The following CYB5D2 variants were observed in gnomAD, a reference collection of about 807,000 sequenced individuals.
CYB5D2 encodes neuferricin.
CYB5D2 carries 23 observed loss-of-function variants against 22.8 expected under a neutral mutation model. The ratio of observed to expected loss-of-function variants is 1.01; its 90% CI spans 0.73 to 1.43. The LOEUF (loss-of-function observed/expected upper bound fraction) is 1.43, where lower values mean the gene tolerates loss of function less well. Among genes scored for constraint, CYB5D2 ranks in the 40% most tolerant of loss-of-function variants. CYB5D2 has a pLI of 0.00. For missense variants in CYB5D2, 373 were observed against 357.2 expected (o/e 1.04, Z -0.36); for synonymous variants, 170 against 152.2 (o/e 1.12, Z -0.86).
chr17:4,154,923 C>T, intron 3 of CYB5D2, 63 bp downstream of exon 3: 1 of 1,496,322 alleles, frequency 6.7e-7, no homozygotes, highest in Non-Finnish European at 9.0e-7. Flanking sequence ...GGCCATCCTG[C>T]CTGCAGTATT....
In CYB5D2 at chr17:4,143,600, A is replaced by G; in HGVS notation, c.-156A>G. The G allele has an allele frequency of 9.3e-7, 1 of 1,076,658 alleles. No homozygotes were observed. Among genetic ancestry groups the G allele is most frequent in the Admixed American group, 2.5e-5 (1 of 39,344 alleles). 66.7% of individuals were successfully genotyped at this position (1,076,658 alleles called of 1,614,324 possible). A position where few individuals can be genotyped will look rare whatever the true frequency, so the allele number is the denominator to read the frequency against. ...TTTCGCCAGTGCCAGGAATACAGAT[A>G]AAACGAGAGAGACTAAGGGAGGGAG... On this transcript the variant is annotated 5_prime_UTR_variant, in exon 1 of 4. The change creates a new upstream start codon in the 5' untranslated region. Transcript: ENST00000301391.
intron 1 of CYB5D2, among the ~76,000 whole-genome samples, chr17:4,146,318 A>G (rs2031577524): frequency 6.6e-6 from 1 of 151,940 alleles, no homozygotes; most frequent in African/African-American, 2.4e-5. Context: ...TGGACAGGAA[A>G]TCCTGGCCTC....
chr17:4,152,709 G>A (rs12935850), intron 2 of CYB5D2, among the ~76,000 whole-genome samples: 100,345 of 152,214 alleles, frequency 0.66, 36,256 homozygotes, highest in East Asian at 0.92. Flanking sequence ...CCTGTGACTC[G>A]GGCCCTGATT....
At chr17:4,152,062 T>TA (rs1407209482) in intron 2 of CYB5D2, among the ~76,000 whole-genome samples, 5 of 150,580 alleles carry the variant, frequency 3.3e-5, no homozygotes, top group Non-Finnish European at 7.4e-5. Context: ...CCAGGCCAAA[T>TA]ACTTCATACT....
At chr17:4,151,330 A>G (rs527639639) in intron 2 of CYB5D2, among the ~76,000 whole-genome samples, 14 of 152,136 alleles carry the variant, frequency 9.2e-5, no homozygotes, top group Non-Finnish European at 1.5e-4. Flanking sequence ...CCCTTTCCCA[A>G]TGAAGTTGCC....
At chr17:4,147,164 G>A in intron 1 of CYB5D2, among the ~76,000 whole-genome samples, 1 of 152,168 alleles carries the variant, frequency 6.6e-6, no homozygotes, top group Non-Finnish European at 1.5e-5. Context: ...TCAGCTACTT[G>A]GGAGTTGGAG....
chr17:4,153,378 T>C (rs1180287861), intron 2 of CYB5D2, among the ~76,000 whole-genome samples: 1 of 151,254 alleles, frequency 6.6e-6, no homozygotes, highest in Non-Finnish European at 1.5e-5. Flanking sequence ...AGGAAGCCAG[T>C]GTGCTGGAGC....
intron 2 of CYB5D2, chr17:4,150,981 G>C (rs1239257441): frequency 6.6e-6 from 1 of 152,260 alleles, no homozygotes; most frequent in Non-Finnish European, 1.5e-5. Context: ...GGACATGACT[G>C]ACTTCCTGAG....
intron 2 of CYB5D2, among the ~76,000 whole-genome samples, chr17:4,154,352 G>A (rs980827416): frequency 3.3e-5 from 5 of 152,168 alleles, no homozygotes; most frequent in Admixed American, 1.3e-4. Flanking sequence ...AATACCCAGC[G>A]TGTGCTCCAA....
intron 1 of CYB5D2, among the ~76,000 whole-genome samples, chr17:4,148,951 C>CT (rs10541299): frequency 3.6e-4 from 53 of 146,296 alleles, no homozygotes; most frequent in African/African-American, 7.1e-4. Context: ...TCAATGTGGA[C>CT]TTTTTTTTTT....
intron 2 of CYB5D2, among the ~76,000 whole-genome samples, chr17:4,153,832 G>A (rs1183271720): frequency 6.6e-6 from 1 of 152,260 alleles, no homozygotes; most frequent in Non-Finnish European, 1.5e-5. Flanking sequence ...GAGGCAACAC[G>A]GATTTGGGAA....
intron 1 of CYB5D2, among the ~76,000 whole-genome samples, chr17:4,148,516 CAAAA>C (rs34632039): frequency 4.9e-5 from 5 of 102,646 alleles, no homozygotes; most frequent in Non-Finnish European, 2.1e-5. Flanking sequence ...GACTCAGTCT[CAAAA>C]AAAAAAAAAA....
intron 2 of CYB5D2, 133 bp downstream of exon 2, chr17:4,150,164 T>C (rs1415630928): frequency 8.3e-7 from 1 of 1,207,412 alleles, no homozygotes; most frequent in African/African-American, 1.5e-5. Context: ...TAAATTCTGG[T>C]CGTTAGAATA....
rs567534657 is a variant in CYB5D2 at position 4,156,450 on chromosome 17, G to A, written c.579-416G>A. 2.0e-5 allele frequency among the ~76,000 whole-genome samples: 3 copies of A among 152,394 alleles called. No individual in the cohort carries two copies. The East Asian group carries it at 5.8e-4, about 29-fold the overall frequency. On this transcript the variant is annotated intron_variant, in intron 3 of 3. Transcript: ENST00000301391. Reference sequence around the variant, plus strand: ...CAAGTGCCCCAGAGAAGAAGGTGAAGACCCTGACCTGCGCTGGGTTGTAGT... The same window carrying A: ...CAAGTGCCCCAGAGAAGAAGGTGAAAACCCTGACCTGCGCTGGGTTGTAGT...
rs536561044 is a variant in CYB5D2, at chr17:4,144,988, A to G, written c.250+983A>G. On this transcript the variant is annotated intron_variant, in intron 1 of 3. Transcript: ENST00000301391. ...TTTTTAGTAGAGACGGGGTTTCACC[A>G]TGTTAGCCAGGATGGTCTCGATCTC... Among the ~76,000 whole-genome samples the G allele has an allele frequency of 3.3e-5, 5 of 152,082 alleles. No homozygotes were observed. The South Asian group carries it at 8.3e-4, about 25-fold the overall frequency.
At chr17:4,149,742 T>G (rs2059033066) in intron 1 of CYB5D2, 149 bp from the exon 2 acceptor site, 1 of 912,196 alleles carries the variant, frequency 1.1e-6, no homozygotes, top group South Asian at 1.9e-5. Flanking sequence ...GAGGTTGCAG[T>G]GAGCTGAAAT....
At chr17:4,150,664 CACTTG>C (rs1240099203) in intron 2 of CYB5D2, among the ~76,000 whole-genome samples, 1 of 152,132 alleles carries the variant, frequency 6.6e-6, no homozygotes, top group Non-Finnish European at 1.5e-5. Context: ...GCGGTTGGAT[CACTTG>C]AGGTCAGGAG....
At chr17:4,146,365 G>T (rs2058991401) in intron 1 of CYB5D2, among the ~76,000 whole-genome samples, 1 of 151,704 alleles carries the variant, frequency 6.6e-6, no homozygotes, top group African/African-American at 2.4e-5. Flanking sequence ...ACAGTGCTGG[G>T]ATTATAGGTA....
intron 2 of CYB5D2, among the ~76,000 whole-genome samples, chr17:4,153,878 A>G (rs749824877): frequency 6.6e-6 from 1 of 152,226 alleles, no homozygotes; most frequent in Non-Finnish European, 1.5e-5. Context: ...AGACGAGCTG[A>G]ATCTCAGATG....
Sources: allele counts gnomAD v4.1 joint callset (sites outside exome capture counted in the v4.1 genomes callset), GRCh38; gene constraint gnomAD v4.1.1; transcripts MANE v1.5; gene names NCBI Gene and HGNC (gene_info 2026-07-23, HGNC 2026-07-21).